BRAF: variants seen among roughly 807,000 people sequenced by gnomAD.
The protein encoded by BRAF is serine/threonine-protein kinase B-raf.
A neutral mutation model predicts 104.6 loss-of-function variants in BRAF; 16 were observed. The ratio of observed to expected loss-of-function variants is 0.15; its 90% CI spans 0.10 to 0.23. The LOEUF is 0.23. Ranked by LOEUF, BRAF falls within the 10% of genes least tolerant of loss-of-function variation. The pLI, the probability that BRAF is intolerant of heterozygous loss-of-function variation, is 1.00. For synonymous variants in BRAF, 310 were observed against 341.6 expected (o/e 0.91, Z 1.02); for missense variants, 541 against 937.3 (o/e 0.58, Z 5.52).
intron 3 of BRAF, among the ~76,000 whole-genome samples, chr7:140,811,615 G>A (rs10236260): frequency 6.6e-6 from 1 of 152,094 alleles, no homozygotes; most frequent in Non-Finnish European, 1.5e-5. Context: ...GTTTTGTGGG[G>A]ACTGCAAAGT....
In BRAF at chr7:140,777,098, G is replaced by C. The variant is rs912739724; in HGVS notation, c.1638-10C>G. 1 of 1,612,742 alleles carries C rather than the reference G, an allele frequency of 6.2e-7. No individual in the cohort carries two copies. The highest frequency in any genetic ancestry group is 1.1e-5 in the South Asian group (1 of 91,060). ...CACATGTCGTGTTTTCCTGTACAAAGAAATGTGACAGTAAACATTAAATGT... is the reference window on the plus strand; with the variant it reads ...CACATGTCGTGTTTTCCTGTACAAACAAATGTGACAGTAAACATTAAATGT... On this transcript the variant is annotated splice_polypyrimidine_tract_variant and intron_variant, in intron 13 of 19. Coordinates refer to ENST00000644969, the MANE Select transcript of BRAF (RefSeq NM_001374258.1).
At chr7:140,906,119 C>CATATAATTT (rs1816298979) in intron 1 of BRAF, among the ~76,000 whole-genome samples, 2 of 128,724 alleles carry the variant, frequency 1.6e-5, no homozygotes, top group Non-Finnish European at 3.2e-5. Flanking sequence ...GAAATTAAAA[C>CATATAATTT]ATATAATTTA....
At chr7:140,766,294 G>T (rs1233352152) in intron 14 of BRAF, among the ~76,000 whole-genome samples, 1 of 151,976 alleles carries the variant, frequency 6.6e-6, no homozygotes, top group Non-Finnish European at 1.5e-5. Context: ...CTATTGTGGG[G>T]TGGGGCAGGG....
intron 1 of BRAF, among the ~76,000 whole-genome samples, chr7:140,886,542 A>G (rs1467354343): frequency 6.6e-6 from 1 of 152,222 alleles, no homozygotes; most frequent in East Asian, 1.9e-4. Context: ...CAATTTCAGC[A>G]GCAGAGCAGA....
chr7:140,734,158 G>T, intron 19 of BRAF: 1 of 1,071,846 alleles, frequency 9.3e-7, no homozygotes, highest in Non-Finnish European at 1.1e-6. Context: ...AATTAGATCT[G>T]TTCAGTTTGC....
intron 14 of BRAF, among the ~76,000 whole-genome samples, chr7:140,766,609 G>A (rs138951820): frequency 2.5e-4 from 38 of 152,048 alleles, no homozygotes; most frequent in African/African-American, 9.2e-4. Context: ...TTGAGACAGG[G>A]TTTCACTCTG....
chr7:140,833,640 TAG>T (rs1276699677), intron 3 of BRAF, among the ~76,000 whole-genome samples: 5 of 152,326 alleles, frequency 3.3e-5, no homozygotes, highest in African/African-American at 1.2e-4. Context: ...AATGAAAAAT[TAG>T]AGTCTATTTT....
chr7:140,908,996 T>C (rs1450524061), intron 1 of BRAF, among the ~76,000 whole-genome samples: 6 of 135,190 alleles, frequency 4.4e-5, no homozygotes, highest in African/African-American at 1.5e-4. Context: ...TTTCTTTTTT[T>C]TTTTTTTTTT....
In BRAF at chr7:140,924,269, G is replaced by C. The variant is rs1818597834; in HGVS notation, c.138+297C>G. ...TACTTCAGCCAATCGTGACCTTCTC[G>C]GACCAACCCTGAGTTTCGCCCCCTA... On this transcript the variant is annotated intron_variant, in intron 1 of 19. Transcript: ENST00000644969. The surrounding 1 kb of genome is among the most constrained non-coding windows in gnomAD (Gnocchi z 4.2). Among the ~76,000 whole-genome samples the C allele has an allele frequency of 6.6e-6, 1 of 152,012 alleles. No homozygotes were observed. Among genetic ancestry groups the C allele is most frequent in the Admixed American group, 6.5e-5 (1 of 15,278 alleles).
At chr7:140,767,951 C>G (rs972145484) in intron 14 of BRAF, among the ~76,000 whole-genome samples, 1 of 152,080 alleles carries the variant, frequency 6.6e-6, no homozygotes, top group Non-Finnish European at 1.5e-5. Flanking sequence ...TAAGAAACCC[C>G]ACAGAACATA....
chr7:140,884,056 T>C (rs1813240297), intron 1 of BRAF: 1 of 152,108 alleles, frequency 6.6e-6, no homozygotes, highest in Admixed American at 6.5e-5. Flanking sequence ...ACAGTAGACT[T>C]TGATAACAAA....
At chr7:140,905,621 T>G (rs1223003226) in intron 1 of BRAF, among the ~76,000 whole-genome samples, 1 of 152,228 alleles carries the variant, frequency 6.6e-6, no homozygotes. Context: ...CATTTTGTAT[T>G]TAATGTAGCT....
At chr7:140,717,251 A>G (rs1795149243), downstream of BRAF, among the ~76,000 whole-genome samples, 3 of 152,246 alleles carry the variant, frequency 2.0e-5, 1 homozygote, top group African/African-American at 7.2e-5. Flanking sequence ...GGGGCTGCAT[A>G]TTCAGCAACT....
chr7:140,854,569 G>T (rs941675439), intron 1 of BRAF, among the ~76,000 whole-genome samples: 1 of 152,020 alleles, frequency 6.6e-6, no homozygotes, highest in African/African-American at 2.4e-5. Flanking sequence ...ATGGGAGAGA[G>T]AAAGTGGGGG....
chr7:140,918,631 T>C (rs916098675), intron 1 of BRAF, among the ~76,000 whole-genome samples: 14 of 152,166 alleles, frequency 9.2e-5, no homozygotes, highest in African/African-American at 3.4e-4. Flanking sequence ...TTGCAGCCAA[T>C]TTGGCTGTCA....
intron 14 of BRAF, among the ~76,000 whole-genome samples, chr7:140,774,270 G>C (rs1800120511): frequency 1.3e-5 from 2 of 152,272 alleles, no homozygotes; most frequent in African/African-American, 4.8e-5. Context: ...TACACTCATT[G>C]CATCATGTTA....
At chr7:140,825,205 T>G (rs1805900274) in intron 3 of BRAF, among the ~76,000 whole-genome samples, 1 of 152,016 alleles carries the variant, frequency 6.6e-6, no homozygotes, top group South Asian at 2.1e-4. Flanking sequence ...CCCGACCTCA[T>G]GATCCACCTG....
intron 1 of BRAF, among the ~76,000 whole-genome samples, chr7:140,888,366 G>A (rs534325524): frequency 1.3e-5 from 2 of 151,972 alleles, no homozygotes; most frequent in East Asian, 1.9e-4. Context: ...TATGGATTAT[G>A]TTACCAAGTT....
Position 140,777,971 on chromosome 7 carries a change from AG to A in BRAF, c.1637+19del, listed in dbSNP as rs750495305. 1 of 1,610,182 alleles carries A rather than the reference AG, an allele frequency of 6.2e-7. No homozygotes were observed. Among genetic ancestry groups the A allele is most frequent in the Non-Finnish European group, 8.5e-7 (1 of 1,176,966 alleles). On this transcript the variant is annotated intron_variant, in intron 13 of 19. Coordinates refer to ENST00000644969, the MANE Select transcript of BRAF (RefSeq NM_001374258.1). ...AAAATAACTTCTTTCTCTGGAAAAG[AG>A]TAATTCACACAAGCTCACCTGAGTA...
Sources: allele counts gnomAD v4.1 joint callset (sites outside exome capture counted in the v4.1 genomes callset), GRCh38; gene constraint gnomAD v4.1.1; non-coding constraint Gnocchi (gnomAD v3.1); transcripts MANE v1.5; gene names NCBI Gene and HGNC (gene_info 2026-07-23, HGNC 2026-07-21).